The following DPYSL2 variants were observed in gnomAD, a reference collection of about 807,000 sequenced individuals.
DPYSL2 encodes the protein dihydropyrimidinase like 2.
In DPYSL2, 13 loss-of-function variants were observed where a neutral mutation model predicts 69.9. The ratio of observed to expected loss-of-function variants is 0.19; its 90% CI spans 0.12 to 0.30. DPYSL2 has a LOEUF of 0.30. DPYSL2 is among the 10% of genes least tolerant of loss of function. DPYSL2 has a pLI of 1.00. For synonymous variants in DPYSL2, 326 were observed against 359.1 expected (o/e 0.91, Z 1.04); for missense variants, 587 against 918.9 (o/e 0.64, Z 4.67).
At position 26,624,786 on chromosome 8, in the gene DPYSL2, G is replaced by A. The variant is rs2129906343; in HGVS notation, c.793+479G>A. Among the ~76,000 whole-genome samples, 1 of 152,336 alleles carries A rather than the reference G, an allele frequency of 6.6e-6. No individual in the cohort carries two copies. The highest frequency in any genetic ancestry group is 2.1e-4 in the South Asian group (1 of 4,826). ...ACTTCAAAACTGAGTGACAACCTGA[G>A]AGGGCTTTTCCTTTCCCTAGAATTA... On this transcript the variant is annotated intron_variant, in intron 4 of 13. Coordinates refer to ENST00000521913, the MANE Select transcript of DPYSL2 (RefSeq NM_001197293.3). This position sits in a 1 kb window ranked among gnomAD's most constrained non-coding sequence, Gnocchi z 4.7.
At chr8:26,615,922 T>C (rs899358687) in intron 3 of DPYSL2, among the ~76,000 whole-genome samples, 7 of 152,174 alleles carry the variant, frequency 4.6e-5, no homozygotes, top group Non-Finnish European at 1.0e-4. Context: ...TACTACACAG[T>C]GTTTTATGCA....
rs79236676 is a variant in DPYSL2 at position 26,618,539 on chromosome 8, G to T, written c.629-5604G>T. Among the ~76,000 whole-genome samples, 17 of 116,204 alleles carry T rather than the reference G, an allele frequency of 1.5e-4. 1 individual carries two copies. In the East Asian group the frequency reaches 4.3e-3, roughly 29 times the overall value. 76.2% of individuals were successfully genotyped at this position (116,204 alleles called of 152,430 possible). ...TCACTATGTTACCCAGGCTGGTCTT[G>T]AACTCCTGGCCTGAAGCAATCTGCC... On this transcript the variant is annotated intron_variant, in intron 3 of 13. Coordinates refer to ENST00000521913, the MANE Select transcript of DPYSL2 (RefSeq NM_001197293.3).
rs61360009 is a variant in DPYSL2, at chr8:26,546,921, C to CAAAAAA, written c.354+32267_354+32272dup. ...TGGGCGACTGAGGGAGACTCAGTCTCAAAAAAAAAAAAAAAAAAAAAAAAA... is the reference window on the plus strand; with the variant it reads ...TGGGCGACTGAGGGAGACTCAGTCTCAAAAAAAAAAAAAAAAAAAAAAAAAAAAAAA... On this transcript the variant is annotated intron_variant, in intron 1 of 13. Coordinates refer to ENST00000521913, the MANE Select transcript of DPYSL2 (RefSeq NM_001197293.3). Among the ~76,000 whole-genome samples, 112 of 46,208 alleles carry CAAAAAA rather than the reference C, an allele frequency of 2.4e-3. 1 individual carries two copies. The highest frequency in any genetic ancestry group is 7.9e-3 in the African/African-American group (70 of 8,884). The allele number at this position is 46,208 out of a possible 152,430, so 30.3% of individuals were successfully genotyped here.
In DPYSL2 at chr8:26,624,028, A is replaced by G; in HGVS notation, c.629-115A>G. The G allele has an allele frequency of 9.3e-7, 1 of 1,077,190 alleles. No homozygotes were observed. The highest frequency in any genetic ancestry group is 1.4e-6 in the Non-Finnish European group (1 of 734,356). 66.7% of individuals were successfully genotyped at this position (1,077,190 alleles called of 1,614,324 possible). On this transcript the variant is annotated intron_variant, in intron 3 of 13. Coordinates refer to ENST00000521913, the MANE Select transcript of DPYSL2 (RefSeq NM_001197293.3). The surrounding 1 kb of genome is among the most constrained non-coding windows in gnomAD (Gnocchi z 4.7). ...TTCTTAGAAGCTGGTTGTAGAGATC[A>G]CCATCTCGATTTTGAACCCAAGAAG... is the stretch of plus-strand genomic sequence containing the variant.
intron 13 of DPYSL2, 89 bp from the exon 14 acceptor site, chr8:26,655,526 C>T (rs1803365267): frequency 1.6e-6 from 2 of 1,215,952 alleles, no homozygotes; most frequent in South Asian, 1.6e-5. Context: ...AGCACTTTTC[C>T]TCCTGAGCTG....
chr8:26,573,468 A>G (rs1801272898), intron 1 of DPYSL2, among the ~76,000 whole-genome samples: 1 of 152,004 alleles, frequency 6.6e-6, no homozygotes, highest in Non-Finnish European at 1.5e-5. Context: ...GGAGATCGAG[A>G]CCATCCTGGC....
At position 26,546,869 on chromosome 8, in the gene DPYSL2, C is replaced by T. The variant is rs182108015; in HGVS notation, c.354+32190C>T. 1.1e-3 allele frequency among the ~76,000 whole-genome samples: 132 copies of T among 123,622 alleles called. 1 individual carries two copies. The highest frequency in any genetic ancestry group is 3.8e-3 in the African/African-American group (124 of 32,664). The allele number at this position is 123,622 out of a possible 152,430, so 81.1% of individuals were successfully genotyped here. On this transcript the variant is annotated intron_variant, in intron 1 of 13. Transcript: ENST00000521913. ...CCGAGAGGCGGAGCTTGCAGTGAGC[C>T]GAGATCGCGCCACTGCACTCCCAGC...
At chr8:26,633,710 A>G (rs1452402297) in intron 7 of DPYSL2, among the ~76,000 whole-genome samples, 4 of 151,942 alleles carry the variant, frequency 2.6e-5, no homozygotes, top group Admixed American at 6.6e-5. Context: ...TCCTGACCTC[A>G]GGTGATCCAC....
chr8:26,562,086 C>A lies in DPYSL2; in HGVS notation c.355-19883C>A, dbSNP rs1054846582. 6.6e-6 allele frequency among the ~76,000 whole-genome samples: 1 copy of A among 152,204 alleles called. No individual in the cohort carries two copies. Among genetic ancestry groups the A allele is most frequent in the African/African-American group, 2.4e-5 (1 of 41,452 alleles). On this transcript the variant is annotated intron_variant, in intron 1 of 13. Transcript: ENST00000521913. This position sits in a 1 kb window ranked among gnomAD's most constrained non-coding sequence, Gnocchi z 4.9. ...AGAGTTCACACTTGATAGTTTTCTCCTACTTACTCCACATCCAATCTATTA... is the reference window on the plus strand; with the variant it reads ...AGAGTTCACACTTGATAGTTTTCTCATACTTACTCCACATCCAATCTATTA...
Position 26,653,940 on chromosome 8 carries a change from A to T in DPYSL2, c.1942+543A>T, listed in dbSNP as rs1364430759. On this transcript the variant is annotated intron_variant, in intron 13 of 13. Transcript: ENST00000521913. The surrounding 1 kb of genome is among the most constrained non-coding windows in gnomAD (Gnocchi z 5.7). ...GATCAGTTTGTGTCACACAATGCCC[A>T]TACTGTGTTTTACCTAATATATTAA... Among the ~76,000 whole-genome samples, 1 of 152,204 alleles carries T rather than the reference A, an allele frequency of 6.6e-6. No homozygotes were observed. The highest frequency in any genetic ancestry group is 1.9e-4 in the East Asian group (1 of 5,202).
At chr8:26,557,199 G>GACTTCAAAAGTAAAAGACCTTTT (rs1554535537) in intron 1 of DPYSL2, among the ~76,000 whole-genome samples, 1 of 150,948 alleles carries the variant, frequency 6.6e-6, no homozygotes, top group Non-Finnish European at 1.5e-5. Flanking sequence ...TGATAAGCTG[G>GACTTCAAAAGTAAAAGACCTTTT]ACTTCAAAAG....
At chr8:26,637,039 G>T (rs1355619876) in intron 8 of DPYSL2, among the ~76,000 whole-genome samples, 1 of 152,180 alleles carries the variant, frequency 6.6e-6, no homozygotes, top group Non-Finnish European at 1.5e-5. Context: ...ACTGCACCTG[G>T]CCACCCCTAT....
rs1801509909 is a variant in DPYSL2, at chr8:26,582,354, T to C, written c.443+297T>C. On this transcript the variant is annotated intron_variant, in intron 2 of 13. Transcript: ENST00000521913. The surrounding 1 kb of genome is among the most constrained non-coding windows in gnomAD (Gnocchi z 4.1). ...CAGCTCAAATACTTGGTTTGTGATA[T>C]GTTGAATATATTAAAGTTTTGCCTA... 6.6e-6 allele frequency among the ~76,000 whole-genome samples: 1 copy of C among 152,230 alleles called. No homozygotes were observed. Among genetic ancestry groups the C allele is most frequent in the South Asian group, 2.1e-4 (1 of 4,832 alleles).
Position 26,617,507 on chromosome 8 carries a change from A to C in DPYSL2, c.629-6636A>C, listed in dbSNP as rs1374378563. On this transcript the variant is annotated intron_variant, in intron 3 of 13. Transcript: ENST00000521913. The surrounding 1 kb of genome is among the most constrained non-coding windows in gnomAD (Gnocchi z 4.7). ...GAGACGCCTTCTCAACAAAAGAAAA[A>C]GGATAAAAGAAAAAAAAATTAAAAG... Among the ~76,000 whole-genome samples, 1 of 152,178 alleles carries C rather than the reference A, an allele frequency of 6.6e-6. No individual in the cohort carries two copies. The highest frequency in any genetic ancestry group is 1.5e-5 in the Non-Finnish European group (1 of 68,022).
chr8:26,588,892 T>C lies in DPYSL2; in HGVS notation c.628+4909T>C, dbSNP rs889887388. On this transcript the variant is annotated intron_variant, in intron 3 of 13. Transcript: ENST00000521913. The surrounding 1 kb of genome is among the most constrained non-coding windows in gnomAD (Gnocchi z 5.4). Reference sequence around the variant, plus strand: ...GTCCTCGTGCTGCCTTGAGTTGCTTTCATCTCTGTGTTACCTCTTGCACTC... The same window carrying C: ...GTCCTCGTGCTGCCTTGAGTTGCTTCCATCTCTGTGTTACCTCTTGCACTC... Among the ~76,000 whole-genome samples the C allele has an allele frequency of 6.6e-6, 1 of 152,228 alleles. No individual in the cohort carries two copies. Among genetic ancestry groups the C allele is most frequent in the Non-Finnish European group, 1.5e-5 (1 of 68,034 alleles).
rs1294118151 is a variant in DPYSL2, at chr8:26,514,406, C to T, written c.81C>T (p.Ser27=). Residue 27 remains serine, a synonymous_variant, in exon 1 of 14, where the codon AGC becomes AGT. Transcript: ENST00000521913. The surrounding 1 kb of genome is among the most constrained non-coding windows in gnomAD (Gnocchi z 8.4). Reference sequence around the variant, plus strand: ...TTTTTAAAAACCTGGGCTCCGGCAGCCCCAAGCCCCGGCAGAAATTCTGTG... The same window carrying T: ...TTTTTAAAAACCTGGGCTCCGGCAGTCCCAAGCCCCGGCAGAAATTCTGTG... ...PAFFKNLGSG[S]PKPRQKFCGM... The T allele has an allele frequency of 4.0e-6, 6 of 1,517,656 alleles. No homozygotes were observed. The highest frequency in any genetic ancestry group is 5.3e-6 in the Non-Finnish European group (6 of 1,139,294). 94.0% of individuals were successfully genotyped at this position (1,517,656 alleles called of 1,614,324 possible).
chr8:26,627,267 A>G lies in DPYSL2; in HGVS notation c.908A>G (p.His303Arg). 6.2e-7 allele frequency: 1 copy of G among 1,614,220 alleles called. No homozygotes were observed. Among genetic ancestry groups the G allele is most frequent in the Non-Finnish European group, 8.5e-7 (1 of 1,180,040 alleles). The stretch of plus-strand genomic sequence containing the variant: ...GATATTGGCGCCATAGCCCAAGTCC[A>G]CGCAGAAAATGGCGACATCATTGCA... ...IRDIGAIAQVHAENGDIIAEE... is the reference protein window; with the variant it reads ...IRDIGAIAQVRAENGDIIAEE... The change falls in exon 6 of 14, where the codon CAC becomes CGC. Residue 303 changes from histidine to arginine, a missense_variant. Transcript: ENST00000521913. This position sits in a 1 kb window ranked among gnomAD's most constrained non-coding sequence, Gnocchi z 6.9.
rs1191939664 is a variant in DPYSL2, at chr8:26,626,390, TTCC to T, written c.794-223_794-221del. On this transcript the variant is annotated intron_variant, in intron 4 of 13. Coordinates refer to ENST00000521913, the MANE Select transcript of DPYSL2 (RefSeq NM_001197293.3). The surrounding 1 kb of genome is among the most constrained non-coding windows in gnomAD (Gnocchi z 4.3). ...ATACTAAAAAGCATCCTTGTGCCTCTTCCTCCCACATTCACAGGTTATTTATAT... is the reference window on the plus strand; with the variant it reads ...ATACTAAAAAGCATCCTTGTGCCTCTTCCCACATTCACAGGTTATTTATAT... Among the ~76,000 whole-genome samples the T allele has an allele frequency of 7.9e-5, 12 of 152,140 alleles. No individual in the cohort carries two copies. Among genetic ancestry groups the T allele is most frequent in the Admixed American group, 7.9e-4 (12 of 15,268 alleles).
chr8:26,578,178 A>G (rs1351123899), intron 1 of DPYSL2: 14 of 1,606,838 alleles, frequency 8.7e-6, no homozygotes, highest in Non-Finnish European at 1.2e-5. Flanking sequence ...AACAAAACAA[A>G]AAAAACCCAA....
Sources: allele counts gnomAD v4.1 joint callset (sites outside exome capture counted in the v4.1 genomes callset), GRCh38; gene constraint gnomAD v4.1.1; non-coding constraint Gnocchi (gnomAD v3.1); transcripts MANE v1.5; gene names NCBI Gene and HGNC (gene_info 2026-07-23, HGNC 2026-07-21).